The following MEIS2 variants were observed in gnomAD, a reference collection of about 807,000 sequenced individuals.
MEIS2 encodes homeobox protein Meis2.
MEIS2 carries 9 observed loss-of-function variants against 58.6 expected under a neutral mutation model. The ratio of observed to expected loss-of-function variants is 0.15; its 90% CI spans 0.09 to 0.27. The LOEUF (loss-of-function observed/expected upper bound fraction) is 0.27. MEIS2 is among the 10% of genes least tolerant of loss of function. The pLI is 1.00. For missense variants in MEIS2, 427 were observed against 635.0 expected (o/e 0.67, Z 3.52); for synonymous variants, 221 against 228.4 (o/e 0.97, Z 0.29).
At chr15:37,027,893 T>A (rs185068904) in intron 8 of MEIS2, among the ~76,000 whole-genome samples, 4 of 152,242 alleles carry the variant, frequency 2.6e-5, no homozygotes, top group Non-Finnish European at 5.9e-5. Context: ...CAACACCCCC[T>A]ACCGGAGTAG....
chr15:37,007,796 C>T (rs946698578), intron 8 of MEIS2, among the ~76,000 whole-genome samples: 5 of 152,268 alleles, frequency 3.3e-5, no homozygotes, highest in Middle Eastern at 3.4e-3. Flanking sequence ...TAAGCCTTTG[C>T]TATGTTAATA....
At chr15:37,099,292 G>A in intron 1 of MEIS2, 163 bp downstream of exon 1, 1 of 1,493,372 alleles carries the variant, frequency 6.7e-7, no homozygotes, top group Middle Eastern at 2.4e-4. Context: ...AGAGGCACGG[G>A]AGGGAAAGAA....
At chr15:36,907,472 G>GA (rs1199478219) in intron 9 of MEIS2, among the ~76,000 whole-genome samples, 2 of 152,164 alleles carry the variant, frequency 1.3e-5, no homozygotes, top group Non-Finnish European at 2.9e-5. Context: ...TTTGTCTGGG[G>GA]ATCTCTTTTT....
At chr15:37,010,120 T>C (rs1023319533) in intron 8 of MEIS2, among the ~76,000 whole-genome samples, 3 of 152,108 alleles carry the variant, frequency 2.0e-5, no homozygotes, top group South Asian at 2.1e-4. Flanking sequence ...CAGAATCTTG[T>C]TCTGTTGCCC....
At chr15:36,935,644 T>C (rs188343808) in intron 9 of MEIS2, among the ~76,000 whole-genome samples, 2 of 152,306 alleles carry the variant, frequency 1.3e-5, no homozygotes, top group African/African-American at 4.8e-5. Context: ...TTTTTTTCTT[T>C]CTGAGATAAT....
At chr15:37,053,686 T>C (rs1300833325) in intron 7 of MEIS2, among the ~76,000 whole-genome samples, 1 of 152,196 alleles carries the variant, frequency 6.6e-6, no homozygotes, top group East Asian at 1.9e-4. Flanking sequence ...AACAACTATA[T>C]AACCAAGAGA....
At chr15:37,040,163 G>C (rs2062360932) in intron 7 of MEIS2, among the ~76,000 whole-genome samples, 1 of 152,006 alleles carries the variant, frequency 6.6e-6, no homozygotes, top group Non-Finnish European at 1.5e-5. Context: ...GCTGAAAAAG[G>C]TATGTATACC....
intron 9 of MEIS2, among the ~76,000 whole-genome samples, chr15:36,934,441 G>A (rs917118456): frequency 1.3e-5 from 2 of 152,144 alleles, no homozygotes; most frequent in Non-Finnish European, 2.9e-5. Flanking sequence ...TAATTAAAAC[G>A]TGCACAAGGC....
intron 8 of MEIS2, among the ~76,000 whole-genome samples, chr15:37,012,291 C>T (rs2061190080): frequency 6.6e-6 from 1 of 152,182 alleles, no homozygotes; most frequent in African/African-American, 2.4e-5. Flanking sequence ...GAAATTTGAT[C>T]ATTAAAACAT....
chr15:37,060,613 A>T (rs1889080567), intron 7 of MEIS2, among the ~76,000 whole-genome samples: 1 of 152,230 alleles, frequency 6.6e-6, no homozygotes, highest in Non-Finnish European at 1.5e-5. Flanking sequence ...AAAGAAAAAA[A>T]AACTACATGA....
intron 8 of MEIS2, among the ~76,000 whole-genome samples, chr15:36,959,872 AAT>A (rs1170523131): frequency 6.6e-6 from 1 of 152,158 alleles, no homozygotes; most frequent in African/African-American, 2.4e-5. Flanking sequence ...AGAGTTATAT[AAT>A]GTCTAGACAA....
rs542164634 is a variant in MEIS2 at position 36,961,282 on chromosome 15, A to C, written c.901-10882T>G. The stretch of plus-strand genomic sequence containing the variant: ...AAATGTCTTTTCATCATACCTGTGA[A>C]CATGTATTTTTCTGGTAATTATAAG... On this transcript the variant is annotated intron_variant, in intron 8 of 11. Transcript: ENST00000561208. 4.6e-5 allele frequency among the ~76,000 whole-genome samples: 7 copies of C among 152,284 alleles called. No homozygotes were observed. The South Asian group carries it at 1.0e-3, about 23-fold the overall frequency.
chr15:37,043,781 T>G lies in MEIS2; in HGVS notation c.755-6822A>C, dbSNP rs147704776. 3.8e-3 allele frequency among the ~76,000 whole-genome samples: 564 copies of G among 147,282 alleles called. 2 individuals are homozygous for G. Among genetic ancestry groups the G allele is most frequent in the African/African-American group, 0.013 (532 of 39,810 alleles). On this transcript the variant is annotated intron_variant, in intron 7 of 11. Coordinates refer to ENST00000561208, the MANE Select transcript of MEIS2 (RefSeq NM_170675.5). ...TGGCTCACCGCAACCTCCACCTCCC[T>G]GGTTCAAGCGATTCTCCTGCTTCAG...
At chr15:36,904,865 T>A (rs62002370) in intron 9 of MEIS2, among the ~76,000 whole-genome samples, 1 of 152,150 alleles carries the variant, frequency 6.6e-6, no homozygotes, top group Admixed American at 6.5e-5. Context: ...ATAAGACATG[T>A]GCATTGTCTT....
intron 8 of MEIS2, among the ~76,000 whole-genome samples, chr15:36,953,148 C>A (rs2058823247): frequency 2.0e-5 from 3 of 152,090 alleles, no homozygotes; most frequent in South Asian, 2.1e-4. Flanking sequence ...TGAAAACAAT[C>A]AGCTTTCAGA....
At chr15:36,903,961 G>A (rs972188370) in intron 9 of MEIS2, 2 of 152,248 alleles carry the variant, frequency 1.3e-5, no homozygotes, top group African/African-American at 2.4e-5. Context: ...CTATGGATAT[G>A]TCTCTGATTA....
chr15:36,996,958 A>T (rs554997850), intron 8 of MEIS2, among the ~76,000 whole-genome samples: 1 of 152,314 alleles, frequency 6.6e-6, no homozygotes, highest in African/African-American at 2.4e-5. Flanking sequence ...CCTTTCCAAA[A>T]CTGGATGTCA....
At chr15:36,916,926 T>A (rs1176499203) in intron 9 of MEIS2, among the ~76,000 whole-genome samples, 1 of 152,190 alleles carries the variant, frequency 6.6e-6, no homozygotes, top group Non-Finnish European at 1.5e-5. Flanking sequence ...AACTGAGAGT[T>A]AGCAAAATCT....
chr15:37,005,100 C>T (rs1488960985), intron 8 of MEIS2, among the ~76,000 whole-genome samples: 1 of 152,178 alleles, frequency 6.6e-6, no homozygotes, highest in Non-Finnish European at 1.5e-5. Context: ...GAAACATCTA[C>T]TATCAAAAGC....
Sources: allele counts gnomAD v4.1 joint callset (sites outside exome capture counted in the v4.1 genomes callset), GRCh38; gene constraint gnomAD v4.1.1; transcripts MANE v1.5; gene names NCBI Gene and HGNC (gene_info 2026-07-23, HGNC 2026-07-21).